RPS6KC1: variants seen among roughly 807,000 people sequenced by gnomAD.
RPS6KC1 encodes ribosomal protein S6 kinase C1.
RPS6KC1 carries 54 observed loss-of-function variants against 103.8 expected under a neutral mutation model. That is an observed-to-expected ratio of 0.52 (90% CI 0.42 to 0.65). RPS6KC1 has a LOEUF of 0.65. Ranked by LOEUF, RPS6KC1 falls within the 30% of genes least tolerant of loss-of-function variation. The pLI is 0.00. For missense variants in RPS6KC1, 1,151 were observed against 1,253.8 expected, an observed-to-expected ratio of 0.92 and a Z score of 1.24; for synonymous variants, 439 against 438.7, an observed-to-expected ratio of 1.00 and a Z score of -0.01.
At position 213,262,733 on chromosome 1, in the gene RPS6KC1, T is replaced by C. The variant is rs1237002804; in HGVS notation, c.3007T>C (p.Cys1003Arg). The change falls in exon 14 of 15, where the codon TGC (cysteine) becomes CGC (arginine). Residue 1003 changes from cysteine (C) to arginine (R), a missense_variant. Cys to Arg is a radical substitution (Grantham distance 180). Around this residue, in one of 3 missense-constraint regions of RPS6KC1, gnomAD observed 189 missense variants for 228.8 expected, o/e 0.83. Coordinates refer to ENST00000366960, the MANE Select transcript of RPS6KC1 (RefSeq NM_012424.6). ...ELLTGKTLVE[C>R]HPAGINTHTT... ...TTGATTGTTTCAGACTCTGGTTGAA[T>C]GCCATCCAGCAGGAATAAATACTCA... 3 of 1,607,070 alleles carry C rather than the reference T, an allele frequency of 1.9e-6. No individual in the cohort carries two copies. The highest frequency in any genetic ancestry group is 1.1e-5 in the South Asian group (1 of 90,970).
chr1:213,158,210 A>G (rs562969194), intron 6 of RPS6KC1, among the ~76,000 whole-genome samples: 1 of 152,326 alleles, frequency 6.6e-6, no homozygotes, highest in East Asian at 1.9e-4. Flanking sequence ...CACTAGTTAA[A>G]TACATTTGTA....
intron 4 of RPS6KC1, among the ~76,000 whole-genome samples, chr1:213,110,423 C>A (rs2082912760): frequency 6.6e-6 from 1 of 152,000 alleles, no homozygotes; most frequent in African/African-American, 2.4e-5. Flanking sequence ...TGTGTTTAGT[C>A]CATAGTAAAT....
chr1:213,535,978 T>A, the RPS6KC1 span, among the ~76,000 whole-genome samples: 2 of 152,140 alleles, frequency 1.3e-5, no homozygotes, highest in Non-Finnish European at 2.9e-5. Flanking sequence ...GAGGTTCTTT[T>A]GGCCTGGAAG....
At chr1:213,181,062 A>G (rs1286645188) in intron 8 of RPS6KC1, among the ~76,000 whole-genome samples, 1 of 152,162 alleles carries the variant, frequency 6.6e-6, no homozygotes, top group Non-Finnish European at 1.5e-5. Flanking sequence ...GACTCTTTGT[A>G]CTGCAGCCTC....
the RPS6KC1 span, among the ~76,000 whole-genome samples, chr1:213,709,436 C>G: frequency 2.0e-4 from 30 of 152,240 alleles, no homozygotes; most frequent in South Asian, 5.0e-3. Context: ...TGATTCTTCT[C>G]TCTTTTCTTC....
chr1:213,068,759 C>T (rs1362378948), intron 1 of RPS6KC1, among the ~76,000 whole-genome samples: 1 of 151,698 alleles, frequency 6.6e-6, no homozygotes, highest in Non-Finnish European at 1.5e-5. Context: ...CACTTATAAT[C>T]CTAGCACTGT....
the RPS6KC1 span, among the ~76,000 whole-genome samples, chr1:213,418,933 C>T: frequency 6.6e-6 from 1 of 152,254 alleles, no homozygotes; most frequent in African/African-American, 2.4e-5. Flanking sequence ...TCTCCTGGGG[C>T]TCCCTCTGGA....
At chr1:213,637,580 G>A in the RPS6KC1 span, among the ~76,000 whole-genome samples, 756 of 151,968 alleles carry the variant, frequency 5.0e-3, 8 homozygotes, top group African/African-American at 0.017. Flanking sequence ...AAAAAAATTA[G>A]CAAATACCAA....
the RPS6KC1 span, chr1:213,835,832 T>C: frequency 1.3e-5 from 2 of 152,256 alleles, no homozygotes; most frequent in South Asian, 4.1e-4. Flanking sequence ...CTATGAGCTC[T>C]TCCCTTCCCT....
the RPS6KC1 span, chr1:213,821,674 C>T: frequency 6.6e-6 from 1 of 152,348 alleles, no homozygotes; most frequent in East Asian, 1.9e-4. Context: ...GATGCCTTCT[C>T]CACTGTTTCC....
intron 12 of RPS6KC1, among the ~76,000 whole-genome samples, chr1:213,245,233 G>A (rs2094435769): frequency 6.6e-6 from 1 of 152,068 alleles, no homozygotes; most frequent in Non-Finnish European, 1.5e-5. Context: ...CTCCTCAAAG[G>A]ATGGAAGCAA....
In RPS6KC1 at chr1:213,246,550, TACAC is replaced by T. The variant is rs538715759; in HGVS notation, c.2911+3896_2911+3899del. ...GATTTTATATCTGTTTTTACACACA[TACAC>T]ACAAAAGTTTTAGCCAAAAGATTTT... On this transcript the variant is annotated intron_variant, in intron 12 of 14. Coordinates refer to ENST00000366960, the MANE Select transcript of RPS6KC1 (RefSeq NM_012424.6). Among the ~76,000 whole-genome samples, 142 of 152,318 alleles carry T rather than the reference TACAC, an allele frequency of 9.3e-4. 3 individuals carry two copies. The Middle Eastern group carries it at 0.017, about 18-fold the overall frequency.
At chr1:213,330,819 G>T in the RPS6KC1 span, among the ~76,000 whole-genome samples, 1 of 152,164 alleles carries the variant, frequency 6.6e-6, no homozygotes, top group African/African-American at 2.4e-5. Context: ...TAAGTGACTG[G>T]CTCTTGGATT....
the RPS6KC1 span, among the ~76,000 whole-genome samples, chr1:213,536,705 C>G: frequency 6.6e-6 from 1 of 152,182 alleles, no homozygotes; most frequent in Admixed American, 6.5e-5. Flanking sequence ...AGCTAGCTGC[C>G]ATCTTCTTTC....
the RPS6KC1 span, among the ~76,000 whole-genome samples, chr1:213,456,191 A>G: frequency 1.3e-5 from 2 of 152,138 alleles, no homozygotes; most frequent in Non-Finnish European, 2.9e-5. Flanking sequence ...CCCGTGCAGC[A>G]TGTCTTCTTG....
the RPS6KC1 span, among the ~76,000 whole-genome samples, chr1:213,578,087 G>T: frequency 6.6e-6 from 1 of 152,220 alleles, no homozygotes; most frequent in South Asian, 2.1e-4. Context: ...TAAGGACATG[G>T]TGCCCTGTGT....
chr1:213,854,939 G>A, the RPS6KC1 span, among the ~76,000 whole-genome samples: 1 of 152,128 alleles, frequency 6.6e-6, no homozygotes, highest in East Asian at 1.9e-4. Flanking sequence ...TCACAGTTCT[G>A]GAGGCTACAA....
intron 8 of RPS6KC1, among the ~76,000 whole-genome samples, chr1:213,179,464 A>G (rs1267879561): frequency 5.9e-5 from 9 of 152,048 alleles, no homozygotes; most frequent in African/African-American, 2.2e-4. Flanking sequence ...TGAAAGTTGA[A>G]CTGTTTTTTA....
At chr1:213,568,454 T>C in the RPS6KC1 span, among the ~76,000 whole-genome samples, 2 of 152,180 alleles carry the variant, frequency 1.3e-5, no homozygotes, top group East Asian at 3.8e-4. Context: ...TTCAAGGACA[T>C]ATGGAATAAA....
Sources: gnomAD v4.1 joint callset for allele counts (sites outside exome capture counted in the v4.1 genomes callset) on GRCh38, gnomAD v4.1.1 for gene constraint, gnomAD v4.1.1 regional missense constraint, MANE v1.5 for transcripts, NCBI Gene and HGNC (gene_info 2026-07-23, HGNC 2026-07-21) for gene names.